Variants in DPYSL2 observed in about 807,000 individuals in gnomAD.
DPYSL2 encodes the protein dihydropyrimidinase-related protein 2.
Under a neutral mutation model 69.9 loss-of-function variants are expected in DPYSL2, and 13 were observed. The observed-to-expected ratio is 0.19, with a 90% CI of 0.12 to 0.30. The LOEUF (loss-of-function observed/expected upper bound fraction) is 0.30. Ranked by LOEUF, DPYSL2 falls within the 10% of genes least tolerant of loss-of-function variation. The pLI is 1.00. For synonymous variants in DPYSL2, 326 were observed against 359.1 expected, an observed-to-expected ratio of 0.91 and a Z score of 1.04; for missense variants, 587 against 918.9, an observed-to-expected ratio of 0.64 and a Z score of 4.67.
chr8:26,559,350 G>T (rs376235026), intron 1 of DPYSL2, among the ~76,000 whole-genome samples: 1 of 152,144 alleles, frequency 6.6e-6, no homozygotes. Context: ...CAAGAATTAT[G>T]CACATTAAAA....
In DPYSL2 at chr8:26,644,435, T is replaced by C. The variant is rs567001714; in HGVS notation, c.1425+344T>C. ...GATCCTCCCATCTCAGTCTCCTGAGTAGCTAGGACCACAGGCTCAGACCAC... is the reference window on the plus strand; with the variant it reads ...GATCCTCCCATCTCAGTCTCCTGAGCAGCTAGGACCACAGGCTCAGACCAC... On this transcript the variant is annotated intron_variant, in intron 10 of 13. Transcript: ENST00000521913. The surrounding 1 kb of genome is among the most constrained non-coding windows in gnomAD (Gnocchi z 4.5). 6.6e-5 allele frequency among the ~76,000 whole-genome samples: 10 copies of C among 152,184 alleles called. No individual in the cohort carries two copies. The East Asian group carries it at 9.7e-4, about 15-fold the overall frequency.
Position 26,643,846 on chromosome 8 carries a change from A to C in DPYSL2, c.1284-104A>C. On this transcript the variant is annotated intron_variant, in intron 9 of 13. Coordinates refer to ENST00000521913, the MANE Select transcript of DPYSL2 (RefSeq NM_001197293.3). This position sits in a 1 kb window ranked among gnomAD's most constrained non-coding sequence, Gnocchi z 6.5. ...GGAGAGGAGGCGTCAAAAGGACTCC[A>C]CTTGGGTTGGTGTGATGCCATTCAT... The C allele has an allele frequency of 6.9e-7, 1 of 1,449,442 alleles. No individual in the cohort carries two copies. The highest frequency in any genetic ancestry group is 9.3e-7 in the Non-Finnish European group (1 of 1,077,820). The allele number at this position is 1,449,442 out of a possible 1,614,324, so 89.8% of individuals were successfully genotyped here. A position where few individuals can be genotyped will look rare whatever the true frequency, so the allele number is the denominator to read the frequency against.
chr8:26,600,728 C>G (rs1801971981), intron 3 of DPYSL2, among the ~76,000 whole-genome samples: 1 of 152,170 alleles, frequency 6.6e-6, no homozygotes, highest in Non-Finnish European at 1.5e-5. Flanking sequence ...CCTCTTAGCT[C>G]TCCCCACTGA....
intron 8 of DPYSL2, among the ~76,000 whole-genome samples, chr8:26,639,347 G>T (rs1802990066): frequency 6.6e-6 from 1 of 152,192 alleles, no homozygotes; most frequent in Admixed American, 6.5e-5. Context: ...TGCAGATCAG[G>T]CCACAGACTG....
chr8:26,549,018 G>A (rs866035067), intron 1 of DPYSL2, among the ~76,000 whole-genome samples: 6 of 151,936 alleles, frequency 3.9e-5, no homozygotes, highest in Admixed American at 6.6e-5. Flanking sequence ...GGGAAGCCCC[G>A]TCCCTACTAA....
chr8:26,589,820 A>G (rs1025171932), intron 3 of DPYSL2, among the ~76,000 whole-genome samples: 3 of 152,244 alleles, frequency 2.0e-5, no homozygotes, highest in Admixed American at 2.0e-4. Flanking sequence ...CTCCAAGTAC[A>G]GAGGGTCACA....
At chr8:26,535,401 T>C (rs1207297167) in intron 1 of DPYSL2, among the ~76,000 whole-genome samples, 2 of 152,108 alleles carry the variant, frequency 1.3e-5, no homozygotes, top group African/African-American at 4.8e-5. Flanking sequence ...GGGATTTAAA[T>C]ATGTCATACA....
In DPYSL2 at chr8:26,593,516, A is replaced by C. The variant is rs933592125; in HGVS notation, c.628+9533A>C. Among the ~76,000 whole-genome samples, 1 of 152,152 alleles carries C rather than the reference A, an allele frequency of 6.6e-6. No homozygotes were observed. Among genetic ancestry groups the C allele is most frequent in the Non-Finnish European group, 1.5e-5 (1 of 68,032 alleles). On this transcript the variant is annotated intron_variant, in intron 3 of 13. Coordinates refer to ENST00000521913, the MANE Select transcript of DPYSL2 (RefSeq NM_001197293.3). The surrounding 1 kb of genome is among the most constrained non-coding windows in gnomAD (Gnocchi z 5.7). ...CTCTTCACGAAGGGAGTGGGATCAC[A>C]CTGTTGCTATCTGGCCAGGGTGGAG...
rs1055711117 is a variant in DPYSL2 at position 26,650,291 on chromosome 8, G to A, written c.1597-1966G>A. Among the ~76,000 whole-genome samples the A allele has an allele frequency of 1.3e-5, 2 of 152,224 alleles. No individual in the cohort carries two copies. The highest frequency in any genetic ancestry group is 4.8e-5 in the African/African-American group (2 of 41,466). On this transcript the variant is annotated intron_variant, in intron 11 of 13. Transcript: ENST00000521913. The surrounding 1 kb of genome is among the most constrained non-coding windows in gnomAD (Gnocchi z 5.3). ...ATACCTGGGGTGTGAACCCAGGGCA[G>A]ATGTCTCCATGGCCGAGGCTGCGCC...
At chr8:26,625,341 C>T (rs17055537) in intron 4 of DPYSL2, among the ~76,000 whole-genome samples, 12,254 of 152,230 alleles carry the variant, frequency 0.08, 593 homozygotes, top group South Asian at 0.16. Flanking sequence ...TTTGATCATG[C>T]GGAGACTCCA....
chr8:26,640,148 G>A lies in DPYSL2; in HGVS notation c.1127-3291G>A, dbSNP rs575152117. ...CTTTGGATTTGTTCTCCTGCTTCTCGTCCATGGGAAATGACTGCCAGAGCT... is the reference window on the plus strand; with the variant it reads ...CTTTGGATTTGTTCTCCTGCTTCTCATCCATGGGAAATGACTGCCAGAGCT... On this transcript the variant is annotated intron_variant, in intron 8 of 13. Coordinates refer to ENST00000521913, the MANE Select transcript of DPYSL2 (RefSeq NM_001197293.3). The surrounding 1 kb of genome is among the most constrained non-coding windows in gnomAD (Gnocchi z 4.2). Among the ~76,000 whole-genome samples, 62 of 152,276 alleles carry A rather than the reference G, an allele frequency of 4.1e-4. No individual in the cohort carries two copies. Among genetic ancestry groups the A allele is most frequent in the Non-Finnish European group, 6.5e-4 (44 of 68,024 alleles).
At chr8:26,531,679 T>C (rs1200997469) in intron 1 of DPYSL2, among the ~76,000 whole-genome samples, 3 of 152,210 alleles carry the variant, frequency 2.0e-5, no homozygotes, top group Non-Finnish European at 4.4e-5. Flanking sequence ...GGGCCTGGTA[T>C]TAGCAGGTGC....
chr8:26,587,193 C>T lies in DPYSL2; in HGVS notation c.628+3210C>T, dbSNP rs527459757. On this transcript the variant is annotated intron_variant, in intron 3 of 13. Transcript: ENST00000521913. The surrounding 1 kb of genome is among the most constrained non-coding windows in gnomAD (Gnocchi z 4.2). The stretch of plus-strand genomic sequence containing the variant: ...CTTGCAAAGAGAAATAGCTTAATGC[C>T]ACTTCATTGGCACCTAAGACCTGCT... Among the ~76,000 whole-genome samples, 1 of 152,300 alleles carries T rather than the reference C, an allele frequency of 6.6e-6. No individual in the cohort carries two copies. The highest frequency in any genetic ancestry group is 2.4e-5 in the African/African-American group (1 of 41,568).
In DPYSL2 at chr8:26,648,814, A is replaced by C. The variant is rs922816190; in HGVS notation, c.1596+1014A>C. Among the ~76,000 whole-genome samples, 11 of 152,218 alleles carry C rather than the reference A, an allele frequency of 7.2e-5. No individual in the cohort carries two copies. Among genetic ancestry groups the C allele is most frequent in the Non-Finnish European group, 1.3e-4 (9 of 68,030 alleles). ...GCACACACAGAGGTGTTTGGGCTGC[A>C]ATGGGCTCAGGCTCAGCTCTGGCTT... On this transcript the variant is annotated intron_variant, in intron 11 of 13. Coordinates refer to ENST00000521913, the MANE Select transcript of DPYSL2 (RefSeq NM_001197293.3). The surrounding 1 kb of genome is among the most constrained non-coding windows in gnomAD (Gnocchi z 4.3).
intron 7 of DPYSL2, among the ~76,000 whole-genome samples, chr8:26,630,146 A>G (rs1802733059): frequency 6.6e-6 from 1 of 152,240 alleles, no homozygotes; most frequent in Non-Finnish European, 1.5e-5. Flanking sequence ...ATAGGTGTAC[A>G]CACACATTTT....
chr8:26,621,576 A>C lies in DPYSL2; in HGVS notation c.629-2567A>C, dbSNP rs1056238934. Among the ~76,000 whole-genome samples, 1 of 152,214 alleles carries C rather than the reference A, an allele frequency of 6.6e-6. No individual in the cohort carries two copies. The highest frequency in any genetic ancestry group is 1.9e-4 in the East Asian group (1 of 5,196). ...CAGTACCTGCTCAGAGGGAGTTTAC[A>C]TTCTAGTCAGGGGTCAGAGAGTAAA... is the stretch of plus-strand genomic sequence containing the variant. On this transcript the variant is annotated intron_variant, in intron 3 of 13. Coordinates refer to ENST00000521913, the MANE Select transcript of DPYSL2 (RefSeq NM_001197293.3). The surrounding 1 kb of genome is among the most constrained non-coding windows in gnomAD (Gnocchi z 4.9).
chr8:26,578,013 CTCTCT>C, intron 1 of DPYSL2: 1 of 1,384,606 alleles, frequency 7.2e-7, no homozygotes, highest in Non-Finnish European at 9.3e-7. Flanking sequence ...CTCTCTCTCT[CTCTCT>C]TTTTTTTCCG....
In DPYSL2 at chr8:26,653,104, G is replaced by T; in HGVS notation, c.1777-128G>T. Reference sequence around the variant, plus strand: ...TGGGAGCTGGCCCCACACAACACCTGTCCACCTGTCTGTAAGGAGAGCCCT... The same window carrying T: ...TGGGAGCTGGCCCCACACAACACCTTTCCACCTGTCTGTAAGGAGAGCCCT... On this transcript the variant is annotated intron_variant, in intron 12 of 13. Coordinates refer to ENST00000521913, the MANE Select transcript of DPYSL2 (RefSeq NM_001197293.3). The surrounding 1 kb of genome is among the most constrained non-coding windows in gnomAD (Gnocchi z 5.7). The T allele has an allele frequency of 8.5e-7, 1 of 1,172,740 alleles. No individual in the cohort carries two copies. Among genetic ancestry groups the T allele is most frequent in the South Asian group, 1.5e-5 (1 of 65,536 alleles). 72.6% of individuals were successfully genotyped at this position (1,172,740 alleles called of 1,614,324 possible). A position where few individuals can be genotyped will look rare whatever the true frequency, so the allele number is the denominator to read the frequency against.
At chr8:26,637,722 C>G (rs1044181018) in intron 8 of DPYSL2, 1 of 152,198 alleles carries the variant, frequency 6.6e-6, no homozygotes, top group African/African-American at 2.4e-5. Context: ...TTGGATCAAA[C>G]CCCAGCTCCA....
Sources: gnomAD v4.1 joint callset for allele counts (sites outside exome capture counted in the v4.1 genomes callset) on GRCh38, gnomAD v4.1.1 for gene constraint, Gnocchi (gnomAD v3.1) non-coding constraint, MANE v1.5 for transcripts, NCBI Gene and HGNC (gene_info 2026-07-23, HGNC 2026-07-21) for gene names.